DNAH3: variants seen among roughly 807,000 people sequenced by gnomAD.
DNAH3 encodes the protein dynein axonemal heavy chain 3.
A neutral mutation model predicts 432.5 loss-of-function variants in DNAH3; 332 were observed. That is an observed-to-expected ratio of 0.77 (90% confidence interval 0.70 to 0.84). The LOEUF (loss-of-function observed/expected upper bound fraction) is 0.84, where lower values mean the gene tolerates loss of function less well. Ranked by LOEUF, DNAH3 falls within the 40% of genes least tolerant of loss-of-function variation. DNAH3 has a pLI of 0.00. For missense variants in DNAH3, 4,861 were observed against 5,114.0 expected, an observed-to-expected ratio of 0.95 and a Z score of 1.51; for synonymous variants, 1,956 against 1,900.2, an observed-to-expected ratio of 1.03 and a Z score of -0.76.
chr16:20,969,793 G>A (rs754426138), exon 52 of DNAH3: 43 of 1,613,982 alleles, frequency 2.7e-5, no homozygotes, highest in Non-Finnish European at 3.2e-5. Context: ...GGCACTTACC[G>A]GAGCCACTGG....
chr16:21,089,896 T>C (rs959921453), intron 18 of DNAH3, among the ~76,000 whole-genome samples: 1 of 151,610 alleles, frequency 6.6e-6, no homozygotes. Context: ...AAAACTAAAA[T>C]TGATAGGCCT....
At chr16:21,143,595 A>G (rs2092747409) in intron 3 of DNAH3, among the ~76,000 whole-genome samples, 1 of 152,230 alleles carries the variant, frequency 6.6e-6, no homozygotes, top group Non-Finnish European at 1.5e-5. Context: ...CCATGAAATT[A>G]CCAATTAGAG....
At chr16:21,134,265 A>C in exon 7 of DNAH3, 4 of 1,609,778 alleles carry the variant, frequency 2.5e-6, no homozygotes, top group Non-Finnish European at 2.5e-6. Context: ...TTACTCTGCA[A>C]ACCACAGTTC....
chr16:21,033,355 A>G (rs1425072111), intron 36 of DNAH3, among the ~76,000 whole-genome samples: 2 of 152,222 alleles, frequency 1.3e-5, no homozygotes, highest in African/African-American at 4.8e-5. Flanking sequence ...AAAAACCCAC[A>G]ACTGTTTCTC....
chr16:21,025,991 G>A (rs1367600001), intron 38 of DNAH3, among the ~76,000 whole-genome samples: 4 of 151,988 alleles, frequency 2.6e-5, no homozygotes, highest in Admixed American at 6.6e-5. Context: ...TGCCCGCCTC[G>A]GCCTCCCAAA....
intron 14 of DNAH3, among the ~76,000 whole-genome samples, chr16:21,111,017 G>C (rs963907811): frequency 6.6e-6 from 1 of 152,042 alleles, no homozygotes; most frequent in African/African-American, 2.4e-5. Flanking sequence ...CCCTGTCTCT[G>C]AAAACAATTA....
intron 49 of DNAH3, among the ~76,000 whole-genome samples, chr16:20,982,045 T>A (rs1222735128): frequency 6.7e-6 from 1 of 148,708 alleles, no homozygotes; most frequent in African/African-American, 2.4e-5. Context: ...AAAGCACATA[T>A]ATATATGTGC....
At chr16:20,990,828 T>C (rs1236986718) in intron 44 of DNAH3, among the ~76,000 whole-genome samples, 1 of 152,190 alleles carries the variant, frequency 6.6e-6, no homozygotes, top group East Asian at 1.9e-4. Flanking sequence ...GAGACCAGCC[T>C]GGCCAGCATG....
At chr16:20,944,923 T>C (rs1377049215) in intron 57 of DNAH3, among the ~76,000 whole-genome samples, 2 of 152,182 alleles carry the variant, frequency 1.3e-5, no homozygotes, top group African/African-American at 2.4e-5. Flanking sequence ...CCAGTGGGCC[T>C]GGCTTTGGAC....
chr16:21,123,321 T>C (rs2092382168), intron 9 of DNAH3, among the ~76,000 whole-genome samples: 1 of 152,198 alleles, frequency 6.6e-6, no homozygotes, highest in Non-Finnish European at 1.5e-5. Flanking sequence ...AAAGTACTTC[T>C]TACATAGAGA....
At chr16:20,939,789 C>G (rs2083736384) in intron 59 of DNAH3, among the ~76,000 whole-genome samples, 1 of 152,156 alleles carries the variant, frequency 6.6e-6, no homozygotes, top group Non-Finnish European at 1.5e-5. Flanking sequence ...AGACCTTGGT[C>G]TTGGAAGCAG....
intron 41 of DNAH3, among the ~76,000 whole-genome samples, chr16:21,010,887 TG>T (rs373461262): frequency 7.8e-6 from 1 of 127,786 alleles, no homozygotes; most frequent in Non-Finnish European, 1.7e-5. Flanking sequence ...GGCCAAAACC[TG>T]TTTTTTTTTT....
chr16:21,127,546 A>T (rs2092468264), intron 8 of DNAH3, 141 bp downstream of exon 9: 5 of 1,023,954 alleles, frequency 4.9e-6, no homozygotes, highest in Non-Finnish European at 7.0e-6. Flanking sequence ...GAGTGACAGA[A>T]AGAGACTCTG....
At chr16:20,993,842 C>G (rs1034580042) in intron 44 of DNAH3, among the ~76,000 whole-genome samples, 10 of 152,090 alleles carry the variant, frequency 6.6e-5, no homozygotes, top group African/African-American at 2.4e-4. Context: ...TGCCACAACA[C>G]CTGGCTAATT....
intron 42 of DNAH3, among the ~76,000 whole-genome samples, chr16:21,002,432 C>T (rs1281091741): frequency 2.2e-5 from 3 of 138,364 alleles, no homozygotes; most frequent in Admixed American, 7.4e-5. Flanking sequence ...ACACTGATGA[C>T]TATCTGGTGT....
At chr16:20,969,697 C>T (rs2085243815) in intron 52 of DNAH3, 95 bp downstream of exon 52, 5 of 1,369,736 alleles carry the variant, frequency 3.7e-6, no homozygotes, top group Non-Finnish European at 4.1e-6. Context: ...ATCTTGCCTG[C>T]ACGCCTGCAG....
At chr16:21,064,045 G>A (rs1297182246) in intron 24 of DNAH3, among the ~76,000 whole-genome samples, 2 of 152,170 alleles carry the variant, frequency 1.3e-5, no homozygotes, top group African/African-American at 4.8e-5. Flanking sequence ...GATATTTACA[G>A]TTCCTCTCAT....
intron 17 of DNAH3, 83 bp from the exon 18 acceptor site, chr16:21,097,582 C>T (rs2091721887): frequency 6.5e-7 from 1 of 1,526,946 alleles, no homozygotes; most frequent in South Asian, 1.1e-5. Flanking sequence ...TCCTCAGTGC[C>T]TTGAAAACCA....
At chr16:21,036,449 C>T (rs756087426) in intron 35 of DNAH3, among the ~76,000 whole-genome samples, 19 of 152,138 alleles carry the variant, frequency 1.2e-4, no homozygotes, top group Admixed American at 2.6e-4. Flanking sequence ...GGGTCTCACT[C>T]TGTCACCCAG....
Sources: gnomAD v4.1 joint callset for allele counts (sites outside exome capture counted in the v4.1 genomes callset) on GRCh38, gnomAD v4.1.1 for gene constraint, MANE v1.5 for transcripts, NCBI Gene and HGNC (gene_info 2026-07-23, HGNC 2026-07-21) for gene names.